Variants in SNTG2 observed in about 807,000 individuals in gnomAD.
SNTG2 encodes the protein syntrophin gamma 2.
SNTG2 carries 74 observed loss-of-function variants against 70.9 expected under a neutral mutation model. The ratio of observed to expected loss-of-function variants is 1.04; its 90% CI spans 0.86 to 1.27. SNTG2 has a LOEUF of 1.27. Ranked by LOEUF, SNTG2 falls within the 50% of genes most tolerant of loss-of-function variation. SNTG2 has a pLI of 0.00. For synonymous variants in SNTG2, 278 were observed against 273.8 expected, an observed-to-expected ratio of 1.02 and a Z score of -0.15; for missense variants, 717 against 690.7, an observed-to-expected ratio of 1.04 and a Z score of -0.43.
intron 14 of SNTG2, among the ~76,000 whole-genome samples, chr2:1,290,356 C>T (rs1679941572): frequency 6.6e-6 from 1 of 151,618 alleles, no homozygotes; most frequent in Non-Finnish European, 1.5e-5. Context: ...ACTCTCTCAC[C>T]CAATCTGGAG....
chr2:1,080,136 A>G (rs1295349992), intron 1 of SNTG2, among the ~76,000 whole-genome samples: 1 of 151,970 alleles, frequency 6.6e-6, no homozygotes, highest in African/African-American at 2.4e-5. Context: ...GCTGGGGGAC[A>G]AGCGATGGCT....
chr2:1,131,352 C>G (rs1667999610), intron 4 of SNTG2, among the ~76,000 whole-genome samples: 1 of 152,156 alleles, frequency 6.6e-6, no homozygotes, highest in Admixed American at 6.5e-5. Context: ...ATTTAAGTTC[C>G]AGAGTCATGC....
chr2:1,240,020 T>C (rs1399226433), intron 11 of SNTG2, among the ~76,000 whole-genome samples: 60 of 152,346 alleles, frequency 3.9e-4, no homozygotes, highest in Non-Finnish European at 1.9e-4. Context: ...TGTGTATAGA[T>C]TATTTCTCTA....
chr2:1,075,142 A>G (rs1663834007), intron 1 of SNTG2, among the ~76,000 whole-genome samples: 1 of 152,218 alleles, frequency 6.6e-6, no homozygotes, highest in African/African-American at 2.4e-5. Flanking sequence ...ACTAAGAAAA[A>G]TGGATCAGAT....
intron 15 of SNTG2, among the ~76,000 whole-genome samples, chr2:1,314,069 A>G (rs1422666435): frequency 1.3e-5 from 2 of 152,210 alleles, no homozygotes; most frequent in South Asian, 2.1e-4. Context: ...CACTTTTTGT[A>G]TATAATGTTT....
chr2:1,301,077 A>G (rs1335728837), intron 14 of SNTG2, among the ~76,000 whole-genome samples: 1 of 152,014 alleles, frequency 6.6e-6, no homozygotes, highest in Non-Finnish European at 1.5e-5. Context: ...ATGGCTTTAG[A>G]CCTGCCGAGC....
intron 12 of SNTG2, among the ~76,000 whole-genome samples, chr2:1,251,206 C>T (rs1193400281): frequency 6.6e-6 from 1 of 152,232 alleles, no homozygotes; most frequent in Non-Finnish European, 1.5e-5. Flanking sequence ...GGATGTTACT[C>T]TAAAGTGTAC....
intron 14 of SNTG2, among the ~76,000 whole-genome samples, chr2:1,272,229 TAGACG>T (rs1339787619): frequency 6.6e-6 from 1 of 151,426 alleles, no homozygotes; most frequent in Non-Finnish European, 1.5e-5. Flanking sequence ...TTCCTGCAAC[TAGACG>T]GTCCCATCTG....
At chr2:1,292,619 C>G (rs73177753) in intron 14 of SNTG2, among the ~76,000 whole-genome samples, 1,800 of 152,062 alleles carry the variant, frequency 0.012, 41 homozygotes, top group African/African-American at 0.041. Context: ...TTTCTTTTTC[C>G]TTCCTTTTGT....
Position 1,367,280 on chromosome 2 carries a change from ATAT to A in SNTG2, c.1489-61_1489-59del. On this transcript the variant is annotated intron_variant, in intron 16 of 16. Coordinates refer to ENST00000308624, the MANE Select transcript of SNTG2 (RefSeq NM_018968.4). ...GTTCACAAGGTCCAAACTTTGTTAA[ATAT>A]TTTTGTAACGTGTTCTTCCAACAAT... 2.7e-6 allele frequency: 4 copies of A among 1,459,228 alleles called. No individual in the cohort carries two copies. In the South Asian group the frequency reaches 5.6e-5, roughly 20 times the overall value. 90.4% of individuals were successfully genotyped at this position (1,459,228 alleles called of 1,614,324 possible). A position where few individuals can be genotyped will look rare whatever the true frequency, so the allele number is the denominator to read the frequency against.
chr2:1,134,151 G>A (rs902530290), intron 4 of SNTG2, among the ~76,000 whole-genome samples: 2 of 152,176 alleles, frequency 1.3e-5, no homozygotes, highest in African/African-American at 4.8e-5. Flanking sequence ...CCTTTGCGGT[G>A]AGTGTTACAG....
intron 6 of SNTG2, chr2:1,159,560 A>G (rs1212224097): frequency 1.3e-5 from 2 of 152,208 alleles, no homozygotes; most frequent in African/African-American, 4.8e-5. Context: ...CTTTGTATCA[A>G]AATTCGTCGA....
chr2:1,250,620 C>G lies in SNTG2; in HGVS notation c.1005+3177C>G, dbSNP rs182375516. The stretch of plus-strand genomic sequence containing the variant: ...TCTGTCTGACTCTATTTCTCTCTAT[C>G]TCTGCCTTTCTCTCTGTCTCTCCTT... On this transcript the variant is annotated intron_variant, in intron 12 of 16. Transcript: ENST00000308624. 9.9e-5 allele frequency among the ~76,000 whole-genome samples: 15 copies of G among 151,872 alleles called. No homozygotes were observed. In the East Asian group the frequency reaches 1.7e-3, roughly 18 times the overall value.
intron 1 of SNTG2, among the ~76,000 whole-genome samples, chr2:1,072,516 A>G (rs1657742028): frequency 6.6e-6 from 1 of 151,676 alleles, no homozygotes; most frequent in Non-Finnish European, 1.5e-5. Context: ...ATCCACTGAG[A>G]CAAAAAGAAA....
chr2:1,302,608 G>GGAAACA (rs982722216), intron 14 of SNTG2, among the ~76,000 whole-genome samples: 28 of 149,056 alleles, frequency 1.9e-4, no homozygotes, highest in African/African-American at 6.1e-4. Context: ...ATCAAAGACA[G>GGAAACA]GAAACAAAAA....
intron 7 of SNTG2, among the ~76,000 whole-genome samples, 182 bp from the exon 8 acceptor site, chr2:1,172,910 G>T (rs1254157508): frequency 6.6e-6 from 1 of 152,162 alleles, no homozygotes; most frequent in Admixed American, 6.5e-5. Context: ...AGATCTTGGT[G>T]AGGAGACCAT....
At chr2:1,207,104 A>G (rs1030297044) in intron 8 of SNTG2, among the ~76,000 whole-genome samples, 1 of 152,262 alleles carries the variant, frequency 6.6e-6, no homozygotes, top group Non-Finnish European at 1.5e-5. Flanking sequence ...GCAGTCATTT[A>G]TAATGAATTC....
intron 9 of SNTG2, among the ~76,000 whole-genome samples, chr2:1,229,694 G>A (rs1283249982): frequency 6.6e-6 from 1 of 152,242 alleles, no homozygotes; most frequent in Non-Finnish European, 1.5e-5. Flanking sequence ...AGCCAATGGA[G>A]GGGGTGGGAG....
At chr2:1,230,789 C>G (rs1167025962) in intron 9 of SNTG2, among the ~76,000 whole-genome samples, 2 of 152,394 alleles carry the variant, frequency 1.3e-5, no homozygotes, top group African/African-American at 4.8e-5. Context: ...CCCCCGCTAC[C>G]TACTGTCCTG....
Sources: gnomAD v4.1 joint callset for allele counts (sites outside exome capture counted in the v4.1 genomes callset) on GRCh38, gnomAD v4.1.1 for gene constraint, MANE v1.5 for transcripts, NCBI Gene and HGNC (gene_info 2026-07-23, HGNC 2026-07-21) for gene names.